Variants in GANC observed in about 807,000 individuals in gnomAD.
GANC encodes the protein glucosidase alpha, neutral C.
A neutral mutation model predicts 124.2 loss-of-function variants in GANC; 117 were observed. The observed-to-expected ratio is 0.94, with a 90% CI of 0.81 to 1.10. GANC has a LOEUF of 1.10. GANC is among the 50% of genes least tolerant of loss of function. GANC has a pLI of 0.00. For missense variants in GANC, 1,140 were observed against 1,095.0 expected, an observed-to-expected ratio of 1.04 and a Z score of -0.58; for synonymous variants, 377 against 376.8, an observed-to-expected ratio of 1.00 and a Z score of -0.01.
At position 42,273,202 on chromosome 15, in the gene GANC, T is replaced by C; in HGVS notation, c.-1280T>C. On this transcript the variant is annotated 5_prime_UTR_variant, in exon 1 of 24. Transcript: ENST00000318010. Reference sequence around the variant, plus strand: ...CCTTCATGGACCCCTTGGGCCGCCGTAGCCCCACCCCTTGCTCCTCTAGGT... The same window carrying C: ...CCTTCATGGACCCCTTGGGCCGCCGCAGCCCCACCCCTTGCTCCTCTAGGT... The C allele has an allele frequency of 1.2e-6, 2 of 1,606,742 alleles. No individual in the cohort carries two copies. The highest frequency in any genetic ancestry group is 1.7e-6 in the Non-Finnish European group (2 of 1,174,462).
intron 22 of GANC, among the ~76,000 whole-genome samples, chr15:42,349,774 A>T (rs528513067): frequency 6.6e-6 from 1 of 151,690 alleles, no homozygotes; most frequent in African/African-American, 2.4e-5. Context: ...TCAGCCTCCC[A>T]AGTAGCTGGA....
chr15:42,280,846 T>C, intron 3 of GANC: 1 of 668,912 alleles, frequency 1.5e-6, no homozygotes. Flanking sequence ...CACCCACATA[T>C]GCCATTTCAC....
chr15:42,327,365 C>G lies in GANC; in HGVS notation c.1423C>G (p.Leu475Val), dbSNP rs1566958606. The change falls in exon 13 of 24, where the codon CTC becomes GTC. Residue 475 changes from leucine to valine, a missense_variant and splice_region_variant. Transcript: ENST00000318010. ...EDFEGVCWPG[L>V]SSYLDFTNPK... Reference sequence around the variant, plus strand: ...TATCTACTGTTCTGCCTCCACAGGTCTCTCCTCTTACCTGGATTTCACCAA... The same window carrying G: ...TATCTACTGTTCTGCCTCCACAGGTGTCTCCTCTTACCTGGATTTCACCAA... 1 of 1,611,558 alleles carries G rather than the reference C, an allele frequency of 6.2e-7. No individual in the cohort carries two copies. Among genetic ancestry groups the G allele is most frequent in the Non-Finnish European group, 8.5e-7 (1 of 1,178,386 alleles).
In GANC at chr15:42,310,489, T is replaced by G. The variant is rs780821879; in HGVS notation, c.903+26T>G. ...GTGAGCTATTTATCATGGCTACATG[T>G]CATACTTAAAGAAGAAACAAAACCA... On this transcript the variant is annotated intron_variant, in intron 9 of 23. Transcript: ENST00000318010. The G allele has an allele frequency of 9.0e-6, 14 of 1,564,020 alleles. 1 individual carries two copies. The Admixed American group carries it at 1.6e-4, about 17-fold the overall frequency.
Position 42,348,175 on chromosome 15 carries a change from A to T in GANC, c.2377A>T (p.Thr793Ser), listed in dbSNP as rs998769256. The T allele has an allele frequency of 6.2e-7, 1 of 1,612,800 alleles. No individual in the cohort carries two copies. Among genetic ancestry groups the T allele is most frequent in the Non-Finnish European group, 8.5e-7 (1 of 1,179,532 alleles). ...TGTAGGAAAATCCACAGGCTGGATG[A>T]CTGAATCCTCCTATGGACTCCGGGT... ...TTVGKSTGWMTESSYGLRVAL... is the reference protein window; with the variant it reads ...TTVGKSTGWMSESSYGLRVAL... Residue 793 changes from threonine (T) to serine (S), a missense_variant, in exon 21 of 24, where the codon ACT becomes TCT. Thr to Ser is a moderately conservative substitution (Grantham distance 58, BLOSUM62 1). Transcript: ENST00000318010.
rs1456661256 is a variant in GANC, at chr15:42,274,007, G to T, written c.-475G>T. 1.3e-5 allele frequency: 3 copies of T among 224,890 alleles called. No individual in the cohort carries two copies. Among genetic ancestry groups the T allele is most frequent in the Non-Finnish European group, 2.6e-5 (3 of 113,512 alleles). The allele number at this position is 224,890 out of a possible 1,614,324, so 13.9% of individuals were successfully genotyped here. On this transcript the variant is annotated 5_prime_UTR_variant, in exon 1 of 24. Coordinates refer to ENST00000318010, the MANE Select transcript of GANC (RefSeq NM_198141.3). ...CTAGCCTCCAGCAAAGACCCGGCCG[G>T]CACTTCCCACCCTTAACCGAAAACG...
intron 22 of GANC, among the ~76,000 whole-genome samples, chr15:42,350,934 C>T (rs534463349): frequency 2.0e-5 from 3 of 148,694 alleles, no homozygotes; most frequent in South Asian, 2.2e-4. Context: ...TACAGTGGTG[C>T]GATCTCAGCT....
At chr15:42,325,392 A>G (rs2052190993) in intron 11 of GANC, among the ~76,000 whole-genome samples, 2 of 152,244 alleles carry the variant, frequency 1.3e-5, no homozygotes, top group Non-Finnish European at 2.9e-5. Context: ...TTCTGGCCAA[A>G]TAAAGTGTTA....
intron 10 of GANC, among the ~76,000 whole-genome samples, chr15:42,317,489 A>G (rs1043507680): frequency 1.3e-5 from 2 of 152,154 alleles, no homozygotes; most frequent in Non-Finnish European, 2.9e-5. Flanking sequence ...CTTGTACTAC[A>G]TGGTGAATGT....
chr15:42,346,495 T>C (rs1166087766), intron 20 of GANC, among the ~76,000 whole-genome samples: 1 of 152,158 alleles, frequency 6.6e-6, no homozygotes, highest in African/African-American at 2.4e-5. Context: ...TACTTTAAAT[T>C]GGTGAGTTGT....
chr15:42,295,639 G>GACACACAC (rs60220273), intron 5 of GANC, among the ~76,000 whole-genome samples: 138 of 137,714 alleles, frequency 1.0e-3, no homozygotes, highest in African/African-American at 3.5e-3. Context: ...CTTTATTATA[G>GACACACAC]ACACACACAC....
intron 22 of GANC, among the ~76,000 whole-genome samples, chr15:42,350,888 T>C (rs2052427848): frequency 7.1e-6 from 1 of 141,078 alleles, no homozygotes; most frequent in African/African-American, 2.7e-5. Context: ...TATTATTATT[T>C]TGAGATGGAG....
chr15:42,333,023 A>AAAATAT (rs1555415200), intron 15 of GANC, among the ~76,000 whole-genome samples: 33 of 140,468 alleles, frequency 2.3e-4, no homozygotes, highest in Middle Eastern at 3.8e-3. Flanking sequence ...TGTCTCAAAA[A>AAAATAT]ATATATATAT....
At chr15:42,293,677 G>C (rs2051865330) in intron 5 of GANC, among the ~76,000 whole-genome samples, 1 of 151,508 alleles carries the variant, frequency 6.6e-6, no homozygotes, top group South Asian at 2.1e-4. Context: ...CTTATGAATA[G>C]TCAAGTACTT....
At chr15:42,344,424 T>G (rs886303775) in intron 19 of GANC, among the ~76,000 whole-genome samples, 1 of 152,194 alleles carries the variant, frequency 6.6e-6, no homozygotes, top group Admixed American at 6.5e-5. Flanking sequence ...CTATCTCTTA[T>G]AAGGACACTT....
intron 16 of GANC, 65 bp from the exon 17 acceptor site, chr15:42,339,604 A>G: frequency 6.4e-7 from 1 of 1,570,956 alleles, no homozygotes; most frequent in Non-Finnish European, 8.6e-7. Context: ...TCAAGACCTT[A>G]ATTTCCCTGT....
rs1417425931 is a variant in GANC at position 42,329,339 on chromosome 15, A to G, written c.1534A>G (p.Met512Val). Residue 512 changes from methionine (M) to valine (V), a missense_variant, in exon 14 of 24, where the codon ATG becomes GTG. By Grantham distance (21) the Met-to-Val change is conservative (BLOSUM62 1). Transcript: ENST00000318010. ...GGACATCCTCTTCCTTTGGAATGAC[A>G]TGAATGAGCCTTCTGTCTTTAGAGG... ...STDILFLWNDMNEPSVFRGPE... is the reference protein window; with the variant it reads ...STDILFLWNDVNEPSVFRGPE... The G allele has an allele frequency of 6.2e-7, 1 of 1,613,866 alleles. No homozygotes were observed. The highest frequency in any genetic ancestry group is 8.5e-7 in the Non-Finnish European group (1 of 1,179,918).
Position 42,308,212 on chromosome 15 carries a change from G to T in GANC, c.626-10G>T. 1 of 1,555,466 alleles carries T rather than the reference G, an allele frequency of 6.4e-7. No individual in the cohort carries two copies. The highest frequency in any genetic ancestry group is 8.8e-7 in the Non-Finnish European group (1 of 1,134,842). ...TTCAGAAACAAAACTCAGTATCCTGGTCTCTACAGGCCCTTCTTCTATTGG... is the reference window on the plus strand; with the variant it reads ...TTCAGAAACAAAACTCAGTATCCTGTTCTCTACAGGCCCTTCTTCTATTGG... On this transcript the variant is annotated splice_polypyrimidine_tract_variant and intron_variant, in intron 7 of 23. Coordinates refer to ENST00000318010, the MANE Select transcript of GANC (RefSeq NM_198141.3).
intron 10 of GANC, 85 bp from the exon 11 acceptor site, chr15:42,321,700 C>A: frequency 8.7e-7 from 1 of 1,151,346 alleles, no homozygotes; most frequent in Non-Finnish European, 1.3e-6. Flanking sequence ...GTGCTGAATA[C>A]TCTGTAGACA....
Sources: gnomAD v4.1 joint callset for allele counts (sites outside exome capture counted in the v4.1 genomes callset) on GRCh38, gnomAD v4.1.1 for gene constraint, MANE v1.5 for transcripts, NCBI Gene and HGNC (gene_info 2026-07-23, HGNC 2026-07-21) for gene names.